Variants in ZNF718 observed in about 807,000 individuals in gnomAD.
ZNF718 encodes zinc finger protein 718.
Under a neutral mutation model 2.6 loss-of-function variants are expected in ZNF718, and 3 were observed. The observed-to-expected ratio is 1.16, with a 90% CI of 0.53 to 3.01. ZNF718 has a LOEUF of 3.01. Ranked by LOEUF, ZNF718 falls within the 30% of genes most tolerant of loss-of-function variation. The pLI is 0.03. For synonymous variants in ZNF718, 135 were observed against 77.9 expected, an observed-to-expected ratio of 1.73 and a Z score of -3.86; for missense variants, 468 against 230.0, an observed-to-expected ratio of 2.03 and a Z score of -6.69.
intron 3 of ZNF718, among the ~76,000 whole-genome samples, chr4:182,443 T>G (rs11932337): frequency 0.24 from 34,982 of 146,246 alleles, 4,394 homozygotes; most frequent in Non-Finnish European, 0.29. Context: ...TATTTATTTA[T>G]TTATTTTTGA....
At chr4:164,668 TTAAG>T (rs1717046542), downstream of ZNF718, among the ~76,000 whole-genome samples, 1 of 152,186 alleles carries the variant, frequency 6.6e-6, no homozygotes. Flanking sequence ...AATGTGTGTG[TTAAG>T]TAACATTTAG....
intron 3 of ZNF718, among the ~76,000 whole-genome samples, chr4:158,492 C>G (rs1052736456): frequency 2.8e-4 from 10 of 35,238 alleles, no homozygotes; most frequent in African/African-American, 7.9e-4. Context: ...TAGGCCCTTA[C>G]TTCTTGTTTT....
At chr4:196,256 A>C (rs1452138821) in intron 3 of ZNF718, among the ~76,000 whole-genome samples, 1 of 152,174 alleles carries the variant, frequency 6.6e-6, no homozygotes, top group Non-Finnish European at 1.5e-5. Context: ...CAATCTTCCT[A>C]GCCATTTACA....
chr4:185,964 T>C (rs1280732721), intron 3 of ZNF718, among the ~76,000 whole-genome samples: 2 of 152,156 alleles, frequency 1.3e-5, no homozygotes, highest in East Asian at 3.9e-4. Context: ...CCATGCTGTG[T>C]CTTTTAACTG....
Position 163,810 on chromosome 4 carries a change from A to G in ZNF718, c.*1688A>G, listed in dbSNP as rs1717013694. ...CTTTTTCCAGTGGCTTTAAACAGCA[A>G]ATAAGTTGAAGAATATTGTTCTCAT... On this transcript the variant is annotated 3_prime_UTR_variant, in exon 4 of 4. Coordinates refer to ENST00000510175, the MANE Select transcript of ZNF718 (RefSeq NM_001039127.6). 2 of 152,182 alleles carry G rather than the reference A, an allele frequency of 1.3e-5. No individual in the cohort carries two copies. The highest frequency in any genetic ancestry group is 4.1e-4 in the South Asian group (2 of 4,828). 9.4% of individuals were successfully genotyped at this position (152,182 alleles called of 1,614,324 possible). A position where few individuals can be genotyped will look rare whatever the true frequency, so the allele number is the denominator to read the frequency against.
At chr4:167,138 T>A (rs1717107644), downstream of ZNF718, among the ~76,000 whole-genome samples, 2 of 152,186 alleles carry the variant, frequency 1.3e-5, no homozygotes, top group Non-Finnish European at 2.9e-5. Context: ...TTTTGTCAGG[T>A]TTGTCAAAGA....
At chr4:184,668 C>A (rs1196787493) in intron 3 of ZNF718, among the ~76,000 whole-genome samples, 3 of 152,006 alleles carry the variant, frequency 2.0e-5, no homozygotes, top group African/African-American at 7.2e-5. Context: ...AGTAGACTCT[C>A]TATTACTGTC....
chr4:170,638 A>T (rs1271971915), intron 3 of ZNF718, among the ~76,000 whole-genome samples: 2 of 152,022 alleles, frequency 1.3e-5, no homozygotes, highest in African/African-American at 4.8e-5. Context: ...AGTTGATTGA[A>T]TCAGCTACTG....
chr4:186,150 C>T lies in ZNF718; in HGVS notation c.227-14931C>T, dbSNP rs184456105. Among the ~76,000 whole-genome samples the T allele has an allele frequency of 2.0e-5, 3 of 152,146 alleles. No individual in the cohort carries two copies. The East Asian group carries it at 5.8e-4, about 29-fold the overall frequency. On this transcript the variant is annotated intron_variant and NMD_transcript_variant, in intron 3 of 4. Transcript: ENST00000642529. ...TGGTAACTTTCCATATTTAGTGCTT[C>T]CTTCAGGAGATCTTGTCTGGCAAGT...
chr4:125,960 G>A (rs1715192209), intron 1 of ZNF718, among the ~76,000 whole-genome samples: 1 of 152,188 alleles, frequency 6.6e-6, no homozygotes. Flanking sequence ...CCAGGCTTCT[G>A]GACCATCTGA....
At chr4:150,716 G>A (rs1716278268) in intron 3 of ZNF718, among the ~76,000 whole-genome samples, 1 of 152,078 alleles carries the variant, frequency 6.6e-6, no homozygotes, top group Non-Finnish European at 1.5e-5. Context: ...ACATAGGAGT[G>A]TAGATGTCTC....
At position 161,283 on chromosome 4, in the gene ZNF718, A is replaced by G. The variant is rs782315713; in HGVS notation, c.598A>G (p.Thr200Ala). 7 of 782,122 alleles carry G rather than the reference A, an allele frequency of 9.0e-6. No homozygotes were observed. The South Asian group carries it at 9.4e-5, about 10-fold the overall frequency. The allele number at this position is 782,122 out of a possible 1,614,324, so 48.4% of individuals were successfully genotyped here. ...AATTCATACTGGAGAGAACCCCTACACATGTGAAGAATGTGGCAAAGCCTT... is the reference window on the plus strand; with the variant it reads ...AATTCATACTGGAGAGAACCCCTACGCATGTGAAGAATGTGGCAAAGCCTT... ...KRIHTGENPY[T>A]CEECGKAFNW... The change falls in exon 4 of 4, where the codon ACA (threonine) becomes GCA (alanine). Residue 200 changes from threonine (T) to alanine (A), a missense_variant. By Grantham distance (58) the Thr-to-Ala change is moderately conservative. Coordinates refer to ENST00000510175, the MANE Select transcript of ZNF718 (RefSeq NM_001039127.6).
chr4:133,195 A>AAAT (rs1258303094), intron 3 of ZNF718, among the ~76,000 whole-genome samples: 8 of 20,776 alleles, frequency 3.9e-4, no homozygotes, highest in Non-Finnish European at 3.5e-4. Flanking sequence ...AAAAAAAAAA[A>AAAT]ATATATATAT....
At chr4:176,641 A>G (rs1256034911) in intron 3 of ZNF718, among the ~76,000 whole-genome samples, 1 of 152,162 alleles carries the variant, frequency 6.6e-6, no homozygotes, top group Non-Finnish European at 1.5e-5. Context: ...ATGCCACTGA[A>G]TTCTACCTCA....
rs1014747183 is a variant in ZNF718, at chr4:162,722, T to C, written c.*600T>C. 1.3e-5 allele frequency: 2 copies of C among 152,168 alleles called. No individual in the cohort carries two copies. The highest frequency in any genetic ancestry group is 1.5e-5 in the Non-Finnish European group (1 of 68,028). The allele number at this position is 152,168 out of a possible 1,614,324, so 9.4% of individuals were successfully genotyped here. Reference sequence around the variant, plus strand: ...CCAAACTTTCTTTGACATTAGAGAATTTATATTGGAAAGAAATTTTACAAA... The same window carrying C: ...CCAAACTTTCTTTGACATTAGAGAACTTATATTGGAAAGAAATTTTACAAA... On this transcript the variant is annotated 3_prime_UTR_variant, in exon 4 of 4. Coordinates refer to ENST00000510175, the MANE Select transcript of ZNF718 (RefSeq NM_001039127.6).
At chr4:138,722 T>C (rs1715682370) in intron 3 of ZNF718, among the ~76,000 whole-genome samples, 1 of 152,192 alleles carries the variant, frequency 6.6e-6, no homozygotes, top group Non-Finnish European at 1.5e-5. Flanking sequence ...TCCATGGTCA[T>C]TGTAGTAATT....
At position 153,947 on chromosome 4, in the gene ZNF718, T is replaced by C. The variant is rs182224713; in HGVS notation, c.227-6965T>C. On this transcript the variant is annotated intron_variant, in intron 3 of 3. Transcript: ENST00000510175. ...TGTACACTATAAGACAGTGATATGG[T>C]TTGATTGTGTCCCCACCCAAATCTC... Among the ~76,000 whole-genome samples, 370 of 152,296 alleles carry C rather than the reference T, an allele frequency of 2.4e-3. 4 individuals carry two copies. Among genetic ancestry groups the C allele is most frequent in the African/African-American group, 8.6e-3 (358 of 41,574 alleles).
exon 5 of ZNF718, chr4:202,207 GC>G (rs1717915570): frequency 6.6e-6 from 1 of 152,226 alleles, no homozygotes; most frequent in South Asian, 2.1e-4. Flanking sequence ...TCTCATATCT[GC>G]TGCCAAGTAA....
At chr4:130,583 TAAAC>T (rs1715325380) in intron 1 of ZNF718, among the ~76,000 whole-genome samples, 1 of 101,694 alleles carries the variant, frequency 9.8e-6, no homozygotes, top group African/African-American at 3.4e-5. Flanking sequence ...CTGTCTCTAA[TAAAC>T]AAAAATTAGC....
Sources: allele counts gnomAD v4.1 joint callset (sites outside exome capture counted in the v4.1 genomes callset), GRCh38; gene constraint gnomAD v4.1.1; transcripts MANE v1.5; gene names NCBI Gene and HGNC (gene_info 2026-07-23, HGNC 2026-07-21).